Variants in AK5 observed in about 807,000 individuals in gnomAD.
AK5 encodes the protein adenylate kinase isoenzyme 5.
AK5 carries 27 observed loss-of-function variants against 69.5 expected under a neutral mutation model. That is an observed-to-expected ratio of 0.39 (90% CI 0.29 to 0.54). AK5 has a LOEUF of 0.54. Among genes scored for constraint, AK5 ranks in the 20% least tolerant of loss-of-function variants. AK5 has a pLI of 0.71. For synonymous variants in AK5, 260 were observed against 244.4 expected (o/e 1.06, Z -0.60); for missense variants, 531 against 700.4 (o/e 0.76, Z 2.73).
chr1:77,431,147 T>C (rs1208551300), intron 8 of AK5, among the ~76,000 whole-genome samples: 1 of 152,140 alleles, frequency 6.6e-6, no homozygotes, highest in East Asian at 1.9e-4. Flanking sequence ...AAGCCATCTG[T>C]TGAGATTTCA....
intron 6 of AK5, among the ~76,000 whole-genome samples, chr1:77,391,664 A>C (rs1333433592): frequency 6.6e-6 from 1 of 151,800 alleles, no homozygotes; most frequent in Non-Finnish European, 1.5e-5. Context: ...TCATAATAAT[A>C]ACCAGCATCT....
chr1:77,380,053 C>T (rs1257806101), intron 6 of AK5, among the ~76,000 whole-genome samples: 1 of 152,188 alleles, frequency 6.6e-6, no homozygotes, highest in Admixed American at 6.5e-5. Flanking sequence ...GTAAAGAATG[C>T]TTGAGTAAAG....
At chr1:77,324,775 G>C (rs1333617740) in intron 5 of AK5, among the ~76,000 whole-genome samples, 2 of 151,876 alleles carry the variant, frequency 1.3e-5, no homozygotes, top group African/African-American at 2.4e-5. Flanking sequence ...TGGGGAAATT[G>C]TTGAACAGAG....
chr1:77,417,332 A>G (rs568894838), intron 7 of AK5, among the ~76,000 whole-genome samples: 1 of 152,232 alleles, frequency 6.6e-6, no homozygotes, highest in South Asian at 2.1e-4. Flanking sequence ...TAACTCCACC[A>G]TCACCTCTAC....
At chr1:77,306,286 T>A (rs1557481034) in intron 5 of AK5, among the ~76,000 whole-genome samples, 1 of 152,140 alleles carries the variant, frequency 6.6e-6, no homozygotes, top group African/African-American at 2.4e-5. Flanking sequence ...GCTTTTGTAA[T>A]GAAGGGATGT....
At chr1:77,518,262 T>G (rs1171568929) in intron 10 of AK5, among the ~76,000 whole-genome samples, 1 of 152,216 alleles carries the variant, frequency 6.6e-6, no homozygotes, top group Non-Finnish European at 1.5e-5. Flanking sequence ...TAGGCTGTAC[T>G]CATCTTCACT....
At chr1:77,544,501 CCT>C (rs1484960161) in intron 13 of AK5, among the ~76,000 whole-genome samples, 1 of 151,730 alleles carries the variant, frequency 6.6e-6, no homozygotes, top group Non-Finnish European at 1.5e-5. Flanking sequence ...TTCTTTATAT[CCT>C]TATTCTATGT....
At chr1:77,553,991 T>A (rs1659948522) in intron 13 of AK5, among the ~76,000 whole-genome samples, 1 of 152,228 alleles carries the variant, frequency 6.6e-6, no homozygotes, top group South Asian at 2.1e-4. Flanking sequence ...AGGAATACAG[T>A]ATTGATATCC....
intron 4 of AK5, 30 bp from the exon 5 acceptor site, chr1:77,297,804 T>G (rs766667486): frequency 2.4e-5 from 39 of 1,600,298 alleles, no homozygotes; most frequent in African/African-American, 8.1e-5. Flanking sequence ...AACTGTGGGG[T>G]TTTTTTGTCA....
At chr1:77,368,836 A>G (rs1647067255) in intron 6 of AK5, among the ~76,000 whole-genome samples, 1 of 152,134 alleles carries the variant, frequency 6.6e-6, no homozygotes, top group Non-Finnish European at 1.5e-5. Flanking sequence ...CAACCGGAAT[A>G]TATAATCTTA....
intron 8 of AK5, among the ~76,000 whole-genome samples, chr1:77,450,289 G>C (rs11162348): frequency 0.6 from 91,536 of 151,946 alleles, 28,143 homozygotes; most frequent in Middle Eastern, 0.67. Context: ...ACCTCTGCCT[G>C]TTACCCAGTT....
intron 8 of AK5, among the ~76,000 whole-genome samples, chr1:77,470,854 TATATATATATATATA>T (rs1315125050): frequency 0.084 from 2,670 of 31,608 alleles, 584 homozygotes; most frequent in South Asian, 0.13. Context: ...TATATATATA[TATATATATATATATA>T]TATATATTTT....
intron 8 of AK5, among the ~76,000 whole-genome samples, chr1:77,434,405 C>G (rs975567673): frequency 9.2e-5 from 14 of 152,108 alleles, no homozygotes; most frequent in Admixed American, 3.3e-4. Context: ...TTGAGAGATA[C>G]AGTCTTTGAG....
intron 8 of AK5, among the ~76,000 whole-genome samples, chr1:77,425,745 A>C (rs1175916951): frequency 6.6e-6 from 1 of 152,228 alleles, no homozygotes; most frequent in Non-Finnish European, 1.5e-5. Context: ...TAATAGCAAC[A>C]ATATATTTAA....
intron 10 of AK5, among the ~76,000 whole-genome samples, chr1:77,502,671 A>G (rs9787060): frequency 0.34 from 52,210 of 152,024 alleles, 9,246 homozygotes; most frequent in South Asian, 0.55. Flanking sequence ...TGCTCACCAA[A>G]ACAATAGGAA....
chr1:77,453,542 C>T (rs1430307078), intron 8 of AK5, among the ~76,000 whole-genome samples: 1 of 152,092 alleles, frequency 6.6e-6, no homozygotes, highest in Admixed American at 6.5e-5. Context: ...AGGTTGTTTC[C>T]GATTTCTAAT....
intron 5 of AK5, among the ~76,000 whole-genome samples, chr1:77,304,638 C>T (rs1659536881): frequency 1.3e-5 from 2 of 152,070 alleles, no homozygotes; most frequent in Non-Finnish European, 2.9e-5. Context: ...CTCCAGACCT[C>T]GGGTGATCCA....
At chr1:77,521,254 C>A (rs1657968002) in intron 11 of AK5, among the ~76,000 whole-genome samples, 1 of 151,996 alleles carries the variant, frequency 6.6e-6, no homozygotes. Context: ...CTGCCTCAAC[C>A]TCCTGAGTAG....
At chr1:77,444,169 C>T (rs572767937) in intron 8 of AK5, among the ~76,000 whole-genome samples, 1 of 142,612 alleles carries the variant, frequency 7.0e-6, no homozygotes, top group African/African-American at 2.6e-5. Flanking sequence ...CTCTCACTCT[C>T]TCTCTATATA....
Sources: allele counts gnomAD v4.1 joint callset (sites outside exome capture counted in the v4.1 genomes callset), GRCh38; gene constraint gnomAD v4.1.1; transcripts MANE v1.5; gene names NCBI Gene and HGNC (gene_info 2026-07-23, HGNC 2026-07-21).